Variants in CADM2 observed in about 807,000 individuals in gnomAD.
CADM2 encodes the protein immunoglobulin superfamily member 4D.
In CADM2, 12 loss-of-function variants were observed where a neutral mutation model predicts 49.8. The ratio of observed to expected loss-of-function variants is 0.24; its 90% CI spans 0.15 to 0.39. The LOEUF (loss-of-function observed/expected upper bound fraction) is 0.39. Among genes scored for constraint, CADM2 ranks in the 10% least tolerant of loss-of-function variants. The pLI is 1.00. For missense variants in CADM2, 378 were observed against 492.3 expected, an observed-to-expected ratio of 0.77 and a Z score of 2.20; for synonymous variants, 214 against 175.4, an observed-to-expected ratio of 1.22 and a Z score of -1.74.
chr3:85,083,639 A>G (rs963571505), intron 1 of CADM2, among the ~76,000 whole-genome samples: 8 of 152,260 alleles, frequency 5.3e-5, no homozygotes, highest in African/African-American at 1.7e-4. Flanking sequence ...TATGGTATAT[A>G]GTTTTGGGAG....
At position 85,142,722 on chromosome 3, in the gene CADM2, C is replaced by A. The variant is rs144236817; in HGVS notation, c.61+183054C>A. 5.5e-3 allele frequency among the ~76,000 whole-genome samples: 840 copies of A among 152,208 alleles called. 3 individuals are homozygous for A. Among genetic ancestry groups the A allele is most frequent in the Non-Finnish European group, 9.6e-3 (654 of 68,006 alleles). On this transcript the variant is annotated intron_variant, in intron 1 of 9. Transcript: ENST00000383699. ...AAATGAAGAATCATAAGCTACGAAC[C>A]TTTTAACTGAATCTCTTCATGGAAA... is the stretch of plus-strand genomic sequence containing the variant.
intron 3 of CADM2, among the ~76,000 whole-genome samples, chr3:85,805,124 TG>T (rs2072324388): frequency 6.6e-6 from 1 of 152,046 alleles, no homozygotes; most frequent in African/African-American, 2.4e-5. Flanking sequence ...TTGTATTTTT[TG>T]TGTAGACTGG....
intron 1 of CADM2, among the ~76,000 whole-genome samples, chr3:85,607,980 A>G (rs1358328646): frequency 6.6e-6 from 1 of 152,054 alleles, no homozygotes; most frequent in Non-Finnish European, 1.5e-5. Context: ...AAAAAAATAT[A>G]CATTTATTAG....
intron 8 of CADM2, among the ~76,000 whole-genome samples, chr3:86,050,768 T>A (rs1014999909): frequency 6.6e-6 from 1 of 151,914 alleles, no homozygotes; most frequent in Admixed American, 6.6e-5. Flanking sequence ...CAATTAGAGG[T>A]GGAGTGGCTG....
chr3:85,756,354 T>C (rs2107882509), intron 2 of CADM2, among the ~76,000 whole-genome samples: 1 of 152,312 alleles, frequency 6.6e-6, no homozygotes, highest in Non-Finnish European at 1.5e-5. Context: ...TGGACCAAAT[T>C]AGGCAATGAT....
Position 85,064,833 on chromosome 3 carries a change from C to G in CADM2, c.61+105165C>G, listed in dbSNP as rs1370785153. ...CTAGCAAGGGGGACGACAAGTTCTA[C>G]TGGTTTAATAAGACTGTCTTTTAAA... is the stretch of plus-strand genomic sequence containing the variant. On this transcript the variant is annotated intron_variant, in intron 1 of 9. Coordinates refer to ENST00000383699, the MANE Select transcript of CADM2 (RefSeq NM_001167675.2). 2.6e-5 allele frequency among the ~76,000 whole-genome samples: 4 copies of G among 152,246 alleles called. No homozygotes were observed. The East Asian group carries it at 7.7e-4, about 29-fold the overall frequency.
At chr3:85,472,773 C>T (rs76731097) in intron 1 of CADM2, among the ~76,000 whole-genome samples, 2,034 of 152,042 alleles carry the variant, frequency 0.013, 112 homozygotes, top group South Asian at 0.1. Context: ...CTATTATTGT[C>T]ACTCATTCTC....
intron 7 of CADM2, among the ~76,000 whole-genome samples, chr3:85,941,958 G>A (rs1429316352): frequency 2.0e-5 from 3 of 152,084 alleles, no homozygotes; most frequent in Non-Finnish European, 4.4e-5. Flanking sequence ...AAAGACTGCT[G>A]TAATCGTTTC....
chr3:85,627,950 T>A (rs949114898), intron 1 of CADM2, among the ~76,000 whole-genome samples: 1 of 152,134 alleles, frequency 6.6e-6, no homozygotes, highest in South Asian at 2.1e-4. Context: ...GATTTCCACA[T>A]CCTGATGAGG....
chr3:86,053,993 A>C (rs1331505710), intron 8 of CADM2, among the ~76,000 whole-genome samples: 3 of 152,002 alleles, frequency 2.0e-5, no homozygotes, highest in African/African-American at 7.2e-5. Context: ...GTGAAAACTA[A>C]GGTAGAGGGA....
chr3:85,602,964 A>G (rs1170379671), intron 1 of CADM2, among the ~76,000 whole-genome samples: 3 of 151,622 alleles, frequency 2.0e-5, no homozygotes, highest in African/African-American at 4.8e-5. Flanking sequence ...TGGTTTTTCT[A>G]TGTTAGTACT....
intron 1 of CADM2, among the ~76,000 whole-genome samples, chr3:85,467,333 A>G (rs1417225126): frequency 6.6e-6 from 1 of 152,136 alleles, no homozygotes; most frequent in African/African-American, 2.4e-5. Flanking sequence ...ATCATTTATT[A>G]CCTATTAAAA....
intron 1 of CADM2, among the ~76,000 whole-genome samples, chr3:85,369,628 G>A (rs977178326): frequency 2.0e-5 from 3 of 152,150 alleles, no homozygotes; most frequent in Non-Finnish European, 2.9e-5. Flanking sequence ...GGAGAACTGT[G>A]TATGTAAAAA....
At chr3:85,877,846 A>T (rs1489884323) in intron 3 of CADM2, among the ~76,000 whole-genome samples, 1 of 152,062 alleles carries the variant, frequency 6.6e-6, no homozygotes, top group Non-Finnish European at 1.5e-5. Flanking sequence ...CTACTCACTG[A>T]ATGCCTACTG....
At chr3:85,531,922 A>T (rs998084310) in intron 1 of CADM2, among the ~76,000 whole-genome samples, 3 of 152,192 alleles carry the variant, frequency 2.0e-5, no homozygotes, top group African/African-American at 7.2e-5. Context: ...TCACGCCTGT[A>T]ATCCCAGCAC....
chr3:85,817,789 G>A (rs1349581557), intron 3 of CADM2, among the ~76,000 whole-genome samples: 2 of 151,914 alleles, frequency 1.3e-5, no homozygotes, highest in South Asian at 2.1e-4. Context: ...CTCCAGCGTC[G>A]GCGACAGAGC....
At chr3:85,015,798 G>A (rs2034225882) in intron 1 of CADM2, among the ~76,000 whole-genome samples, 1 of 152,168 alleles carries the variant, frequency 6.6e-6, no homozygotes, top group Admixed American at 6.5e-5. Context: ...CTTAAAGGAT[G>A]ATTAAGGTTT....
intron 1 of CADM2, among the ~76,000 whole-genome samples, chr3:85,636,999 C>T (rs1484248605): frequency 2.0e-5 from 3 of 152,114 alleles, no homozygotes; most frequent in Non-Finnish European, 4.4e-5. Context: ...TGTTGAATAC[C>T]TATTATATCC....
At chr3:85,014,385 T>A (rs2034152205) in intron 1 of CADM2, among the ~76,000 whole-genome samples, 1 of 152,080 alleles carries the variant, frequency 6.6e-6, no homozygotes, top group Admixed American at 6.6e-5. Flanking sequence ...TCTCTTACTC[T>A]GCCTAATTTA....
Sources: gnomAD v4.1 joint callset for allele counts (sites outside exome capture counted in the v4.1 genomes callset) on GRCh38, gnomAD v4.1.1 for gene constraint, MANE v1.5 for transcripts, NCBI Gene and HGNC (gene_info 2026-07-23, HGNC 2026-07-21) for gene names.